Variants in TENM3 observed in about 807,000 individuals in gnomAD.
The protein encoded by TENM3 is teneurin transmembrane protein 3, also known as teneurin-3.
A neutral mutation model predicts 255.1 loss-of-function variants in TENM3; 63 were observed. The observed-to-expected ratio is 0.25, with a 90% CI of 0.20 to 0.30. The LOEUF (loss-of-function observed/expected upper bound fraction) is 0.30. TENM3 is among the 10% of genes least tolerant of loss of function. The pLI, the probability that TENM3 is intolerant of heterozygous loss-of-function variation, is 1.00. For missense variants in TENM3, 2,929 were observed against 3,461.1 expected (o/e 0.85, Z 3.86); for synonymous variants, 1,306 against 1,322.3 (o/e 0.99, Z 0.27).
chr4:182,701,209 A>ATTT (rs1561129558), intron 12 of TENM3, among the ~76,000 whole-genome samples: 34 of 23,812 alleles, frequency 1.4e-3, no homozygotes, highest in Non-Finnish European at 1.9e-3. Flanking sequence ...CCAACTCTTG[A>ATTT]CTTTTTTTTT....
intron 11 of TENM3, among the ~76,000 whole-genome samples, chr4:182,683,211 G>A (rs760519315): frequency 3.9e-5 from 6 of 151,952 alleles, no homozygotes; most frequent in African/African-American, 4.8e-5. Flanking sequence ...TAAAATCATG[G>A]GACACTCTTC....
chr4:181,788,691 C>A, the TENM3 span, among the ~76,000 whole-genome samples: 1 of 152,134 alleles, frequency 6.6e-6, no homozygotes, highest in Non-Finnish European at 1.5e-5. Context: ...TGGAATCGCT[C>A]GAGCGATCTT....
chr4:182,742,021 T>C (rs1023217469), intron 18 of TENM3, among the ~76,000 whole-genome samples: 1 of 152,218 alleles, frequency 6.6e-6, no homozygotes, highest in Non-Finnish European at 1.5e-5. Context: ...CTCTGAGAAC[T>C]TCTTTGGAAC....
intron 3 of TENM3, among the ~76,000 whole-genome samples, chr4:182,456,226 C>T (rs929663804): frequency 6.6e-6 from 1 of 152,184 alleles, no homozygotes; most frequent in Admixed American, 6.5e-5. Flanking sequence ...GTCTAACTGG[C>T]CTGTCCGTGC....
the TENM3 span, among the ~76,000 whole-genome samples, chr4:181,844,109 G>C: frequency 6.6e-6 from 1 of 152,048 alleles, no homozygotes; most frequent in African/African-American, 2.4e-5. Context: ...GGATGCCAAA[G>C]TCATCCTTCT....
intron 22 of TENM3, among the ~76,000 whole-genome samples, chr4:182,756,223 C>G (rs1051711618): frequency 2.0e-5 from 3 of 152,212 alleles, no homozygotes; most frequent in African/African-American, 7.2e-5. Flanking sequence ...TACACTGTGC[C>G]TCAAAGAACC....
intron 1 of TENM3, among the ~76,000 whole-genome samples, chr4:182,159,690 G>A (rs959094772): frequency 2.0e-5 from 3 of 152,142 alleles, no homozygotes; most frequent in Non-Finnish European, 2.9e-5. Context: ...CTCAGCTCAA[G>A]GGGAACGGGA....
intron 11 of TENM3, among the ~76,000 whole-genome samples, chr4:182,683,410 C>G (rs1561104259): frequency 6.6e-6 from 1 of 152,162 alleles, no homozygotes; most frequent in Admixed American, 6.5e-5. Context: ...AAAGGAAATG[C>G]TCATTGCAGC....
the TENM3 span, among the ~76,000 whole-genome samples, chr4:181,736,507 A>G: frequency 6.6e-6 from 1 of 151,926 alleles, no homozygotes; most frequent in Non-Finnish European, 1.5e-5. Flanking sequence ...AAATTAATAT[A>G]TACTAACGTG....
intron 6 of TENM3, among the ~76,000 whole-genome samples, chr4:182,657,541 A>G (rs1753858095): frequency 6.6e-6 from 1 of 152,210 alleles, no homozygotes. Context: ...CCATCCAGTC[A>G]ACATTTGAAC....
the TENM3 span, among the ~76,000 whole-genome samples, chr4:181,578,177 G>T: frequency 6.6e-6 from 1 of 152,204 alleles, no homozygotes; most frequent in Non-Finnish European, 1.5e-5. Context: ...TCCGTCAATA[G>T]TTAAAGAAAG....
At chr4:181,826,283 T>C in the TENM3 span, among the ~76,000 whole-genome samples, 131,568 of 151,842 alleles carry the variant, frequency 0.87, 58,238 homozygotes, top group Non-Finnish European at 0.96. Context: ...GGAGAAAAAG[T>C]GGCCACTAGT....
intron 24 of TENM3, among the ~76,000 whole-genome samples, chr4:182,787,689 C>A (rs1339774579): frequency 1.4e-5 from 2 of 144,818 alleles, no homozygotes; most frequent in Non-Finnish European, 3.0e-5. Flanking sequence ...GAGCCGAGAT[C>A]GCACCACTGT....
intron 1 of TENM3, among the ~76,000 whole-genome samples, chr4:182,203,619 G>T (rs1043466416): frequency 6.6e-6 from 1 of 152,092 alleles, no homozygotes; most frequent in African/African-American, 2.4e-5. Context: ...CCTTTCCCCC[G>T]CTTTGCTGGG....
the TENM3 span, among the ~76,000 whole-genome samples, chr4:182,036,175 C>T: frequency 6.6e-6 from 1 of 152,094 alleles, no homozygotes; most frequent in Non-Finnish European, 1.5e-5. Flanking sequence ...TATGTTACAA[C>T]TGCATCTGTG....
intron 3 of TENM3, among the ~76,000 whole-genome samples, chr4:182,357,457 TCTGATGGCCA>T (rs1239690184): frequency 3.5e-4 from 54 of 152,364 alleles, no homozygotes; most frequent in Non-Finnish European, 6.0e-4. Flanking sequence ...TTTGCATTTC[TCTGATGGCCA>T]GTGATGGTGG....
At chr4:181,959,461 T>G in the TENM3 span, among the ~76,000 whole-genome samples, 4 of 152,066 alleles carry the variant, frequency 2.6e-5, no homozygotes, top group Admixed American at 6.6e-5. Flanking sequence ...AAGGAGCAAA[T>G]GAAGAAAAGA....
chr4:181,838,461 T>A, the TENM3 span, among the ~76,000 whole-genome samples: 2 of 152,214 alleles, frequency 1.3e-5, no homozygotes, highest in Non-Finnish European at 2.9e-5. Context: ...AGACTTTCTC[T>A]TCTTTTTTAC....
chr4:181,602,490 C>G, the TENM3 span, among the ~76,000 whole-genome samples: 20 of 152,132 alleles, frequency 1.3e-4, no homozygotes, highest in Admixed American at 1.2e-3. Context: ...TCATTAGTGA[C>G]AAGTTTTATA....
Sources: allele counts gnomAD v4.1 joint callset (sites outside exome capture counted in the v4.1 genomes callset), GRCh38; gene constraint gnomAD v4.1.1; transcripts MANE v1.5; gene names NCBI Gene and HGNC (gene_info 2026-07-23, HGNC 2026-07-21).